Variants in SLC44A1 observed in about 807,000 individuals in gnomAD.
SLC44A1 encodes solute carrier family 44 member 1.
Under a neutral mutation model 79.3 loss-of-function variants are expected in SLC44A1, and 26 were observed. That is an observed-to-expected ratio of 0.33 (90% CI 0.24 to 0.46). The LOEUF (loss-of-function observed/expected upper bound fraction) is 0.46. Among genes scored for constraint, SLC44A1 ranks in the 20% least tolerant of loss-of-function variants. The pLI, the probability that SLC44A1 is intolerant of heterozygous loss-of-function variation, is 1.00. For synonymous variants in SLC44A1, 263 were observed against 286.2 expected (o/e 0.92, Z 0.82); for missense variants, 688 against 798.1 (o/e 0.86, Z 1.66).
chr9:105,268,132 G>C (rs1830001467), intron 1 of SLC44A1, among the ~76,000 whole-genome samples: 2 of 152,130 alleles, frequency 1.3e-5, no homozygotes, highest in South Asian at 4.1e-4. Context: ...TAGAAGAGGG[G>C]CAGTTGTCCA....
At chr9:105,245,622 G>A (rs1174736582) in intron 1 of SLC44A1, among the ~76,000 whole-genome samples, 1 of 152,238 alleles carries the variant, frequency 6.6e-6, no homozygotes, top group Admixed American at 6.5e-5. Flanking sequence ...GGCACCTGGT[G>A]GGTGACGGGA....
chr9:105,344,479 C>G (rs1183335124), intron 4 of SLC44A1, among the ~76,000 whole-genome samples: 1 of 152,138 alleles, frequency 6.6e-6, no homozygotes, highest in African/African-American at 2.4e-5. Flanking sequence ...ATGCACAGGA[C>G]AGCCCCCTAC....
At chr9:105,433,905 A>C (rs12335518) in intron 15 of SLC44A1, among the ~76,000 whole-genome samples, 19,064 of 152,214 alleles carry the variant, frequency 0.13, 3,157 homozygotes, top group African/African-American at 0.39. Flanking sequence ...ACCCTTGGGG[A>C]AAGTCTCTAC....
chr9:105,313,666 T>G (rs1254311133), intron 3 of SLC44A1, among the ~76,000 whole-genome samples: 1 of 152,222 alleles, frequency 6.6e-6, no homozygotes, highest in Admixed American at 6.5e-5. Flanking sequence ...ATACTTTTTC[T>G]GTCACATTCT....
At chr9:105,318,798 C>T (rs1826287373) in intron 3 of SLC44A1, among the ~76,000 whole-genome samples, 1 of 143,048 alleles carries the variant, frequency 7.0e-6, no homozygotes, top group African/African-American at 3.0e-5. Flanking sequence ...GAAGTGAAAA[C>T]CTGTTTAACA....
At chr9:105,296,398 C>T (rs1016040033) in intron 1 of SLC44A1, among the ~76,000 whole-genome samples, 4 of 152,136 alleles carry the variant, frequency 2.6e-5, no homozygotes, top group Admixed American at 6.5e-5. Context: ...GATGTTGAAT[C>T]TTTGTATTTT....
chr9:105,380,495 C>A (rs1828428385), intron 13 of SLC44A1, among the ~76,000 whole-genome samples: 1 of 151,966 alleles, frequency 6.6e-6, no homozygotes, highest in South Asian at 2.1e-4. Context: ...GATCTCTTAA[C>A]TTCTAAAGTC....
In SLC44A1 at chr9:105,392,399, C is replaced by CT. The variant is rs1564048395; in HGVS notation, c.*3344dup. ...TTTTGTAGAGATGCTCTCTCTCTCT[C>CT]TCTCTTTTTTTTTTTTTTTTTTTTT... On this transcript the variant is annotated 3_prime_UTR_variant, in exon 16 of 16. Coordinates refer to ENST00000374720, the MANE Select transcript of SLC44A1 (RefSeq NM_080546.5). 3.7e-6 allele frequency: 3 copies of CT among 818,440 alleles called. No homozygotes were observed. Among genetic ancestry groups the CT allele is most frequent in the African/African-American group, 2.4e-5 (1 of 42,206 alleles). 50.7% of individuals were successfully genotyped at this position (818,440 alleles called of 1,614,324 possible).
At chr9:105,356,034 A>G in intron 5 of SLC44A1, 178 bp from the exon 6 acceptor site, 1 of 589,610 alleles carries the variant, frequency 1.7e-6, no homozygotes, top group Non-Finnish European at 3.0e-6. Context: ...TAAGATTTGC[A>G]TCACTACCCA....
At chr9:105,247,294 C>T (rs369544095) in intron 1 of SLC44A1, among the ~76,000 whole-genome samples, 2 of 151,946 alleles carry the variant, frequency 1.3e-5, no homozygotes, top group East Asian at 1.9e-4. Flanking sequence ...GTATTTTCTT[C>T]TTTTTTTTGT....
At chr9:105,323,543 A>C (rs1826467693) in intron 3 of SLC44A1, among the ~76,000 whole-genome samples, 1 of 152,192 alleles carries the variant, frequency 6.6e-6, no homozygotes, top group African/African-American at 2.4e-5. Context: ...ACTCCTTAGC[A>C]CAGTGCCTGG....
At chr9:105,373,483 A>G (rs190830624) in intron 12 of SLC44A1, among the ~76,000 whole-genome samples, 8 of 152,364 alleles carry the variant, frequency 5.3e-5, no homozygotes, top group Admixed American at 1.3e-4. Context: ...AGCAGGTATA[A>G]TTGAATGAAA....
intron 1 of SLC44A1, among the ~76,000 whole-genome samples, chr9:105,278,311 C>T (rs111936918): frequency 2.6e-4 from 39 of 152,126 alleles, no homozygotes; most frequent in Non-Finnish European, 2.1e-4. Context: ...TGCAGTGGTG[C>T]GGTCTTGGCT....
intron 12 of SLC44A1, among the ~76,000 whole-genome samples, chr9:105,369,252 A>C (rs565872065): frequency 6.6e-6 from 1 of 152,318 alleles, no homozygotes; most frequent in East Asian, 1.9e-4. Context: ...ATAGTTATGT[A>C]GTTGATGAGA....
intron 1 of SLC44A1, chr9:105,294,865 G>A (rs1280535127): frequency 3.1e-5 from 4 of 130,966 alleles, no homozygotes; most frequent in African/African-American, 8.8e-5. Flanking sequence ...TAAATTTTGA[G>A]TCTGTGTGTG....
chr9:105,258,264 T>C (rs948502585), intron 1 of SLC44A1, among the ~76,000 whole-genome samples: 1 of 152,232 alleles, frequency 6.6e-6, no homozygotes, highest in African/African-American at 2.4e-5. Context: ...GGTACTGATA[T>C]TAATACCTCC....
At chr9:105,438,354 C>G (rs1262911279) in exon 16 of SLC44A1, 1 of 1,357,716 alleles carries the variant, frequency 7.4e-7, no homozygotes, top group African/African-American at 1.4e-5. Context: ...GAGGTTCTCC[C>G]ACTCACCAGC....
At chr9:105,383,041 AATT>A (rs1828519141) in intron 13 of SLC44A1, 79 bp from the exon 14 acceptor site, 1 of 923,774 alleles carries the variant, frequency 1.1e-6, no homozygotes, top group Non-Finnish European at 1.7e-6. Flanking sequence ...TAAATAGTAG[AATT>A]TTAAGTCTGC....
intron 13 of SLC44A1, 25 bp downstream of exon 13, chr9:105,374,760 A>G: frequency 2.6e-6 from 4 of 1,562,474 alleles, no homozygotes; most frequent in Non-Finnish European, 2.6e-6. Context: ...TTTTTCTGCA[A>G]CATACAGTAA....
Sources: allele counts gnomAD v4.1 joint callset (sites outside exome capture counted in the v4.1 genomes callset), GRCh38; gene constraint gnomAD v4.1.1; transcripts MANE v1.5; gene names NCBI Gene and HGNC (gene_info 2026-07-23, HGNC 2026-07-21).